KCNIP1: variants seen among roughly 807,000 people sequenced by gnomAD.
KCNIP1 encodes A-type potassium channel modulatory protein KCNIP1.
A neutral mutation model predicts 33.0 loss-of-function variants in KCNIP1; 18 were observed. The ratio of observed to expected loss-of-function variants is 0.55; its 90% CI spans 0.38 to 0.81. The LOEUF is 0.81. Among genes scored for constraint, KCNIP1 ranks in the 30% least tolerant of loss-of-function variants. The pLI is 0.00. For missense variants in KCNIP1, 238 were observed against 271.6 expected (o/e 0.88, Z 0.87); for synonymous variants, 93 against 98.3 (o/e 0.95, Z 0.32).
rs990356207 is a variant in KCNIP1 at position 170,690,095 on chromosome 5, C to T, written c.62-28663C>T. On this transcript the variant is annotated intron_variant, in intron 1 of 7. Coordinates refer to ENST00000328939, the MANE Select transcript of KCNIP1 (RefSeq NM_014592.4). Reference sequence around the variant, plus strand: ...TCACACACATCCCTACTGCCCCGCACGGTGCCCAGCACATAGTAGGTCCTC... The same window carrying T: ...TCACACACATCCCTACTGCCCCGCATGGTGCCCAGCACATAGTAGGTCCTC... Among the ~76,000 whole-genome samples the T allele has an allele frequency of 4.6e-5, 7 of 152,304 alleles. No individual in the cohort carries two copies. In the East Asian group the frequency reaches 7.7e-4, roughly 17 times the overall value.
At chr5:170,454,316 G>A (rs1311377767) in intron 1 of KCNIP1, among the ~76,000 whole-genome samples, 3 of 152,140 alleles carry the variant, frequency 2.0e-5, no homozygotes, top group African/African-American at 7.2e-5. Flanking sequence ...TGGGAGGAAG[G>A]GACAAATTAA....
intron 1 of KCNIP1, among the ~76,000 whole-genome samples, chr5:170,429,471 C>T (rs1755692395): frequency 6.6e-6 from 1 of 151,978 alleles, no homozygotes; most frequent in African/African-American, 2.4e-5. Flanking sequence ...TTTTCAAATT[C>T]TTGTTGTACA....
At chr5:170,549,218 A>T (rs1756517296) in intron 1 of KCNIP1, among the ~76,000 whole-genome samples, 1 of 152,244 alleles carries the variant, frequency 6.6e-6, no homozygotes, top group African/African-American at 2.4e-5. Context: ...CAGAGTTTCA[A>T]GGATTAAATT....
intron 1 of KCNIP1, among the ~76,000 whole-genome samples, chr5:170,653,614 G>A (rs542730063): frequency 5.3e-5 from 8 of 152,148 alleles, no homozygotes; most frequent in Non-Finnish European, 8.8e-5. Flanking sequence ...ACTAATGGAG[G>A]ATGGCAAGAG....
intron 1 of KCNIP1, among the ~76,000 whole-genome samples, chr5:170,667,263 G>A (rs1461502330): frequency 1.3e-5 from 2 of 150,050 alleles, no homozygotes; most frequent in Non-Finnish European, 2.9e-5. Context: ...AGTGAGCCAA[G>A]ATCGTGCCAT....
intron 1 of KCNIP1, among the ~76,000 whole-genome samples, chr5:170,407,037 G>A (rs932684731): frequency 5.6e-4 from 86 of 152,332 alleles, no homozygotes; most frequent in African/African-American, 2.0e-3. Flanking sequence ...GAAATCCTCA[G>A]CTAATGGAGT....
chr5:170,442,576 CT>C (rs1219170509), intron 1 of KCNIP1, among the ~76,000 whole-genome samples: 1 of 152,116 alleles, frequency 6.6e-6, no homozygotes, highest in African/African-American at 2.4e-5. Flanking sequence ...CTGTCTGGCT[CT>C]GGGGACCACG....
At chr5:170,455,135 C>T (rs1039409769) in intron 1 of KCNIP1, among the ~76,000 whole-genome samples, 5 of 151,920 alleles carry the variant, frequency 3.3e-5, no homozygotes, top group African/African-American at 7.3e-5. Context: ...AACTTCAATA[C>T]CTCACTTTCA....
At chr5:170,406,676 C>T (rs1007519884) in intron 1 of KCNIP1, among the ~76,000 whole-genome samples, 2 of 152,222 alleles carry the variant, frequency 1.3e-5, no homozygotes, top group Middle Eastern at 3.2e-3. Flanking sequence ...CAGCATCCCT[C>T]TCTTCTTCCT....
chr5:170,449,712 C>T (rs1756201005), intron 1 of KCNIP1, among the ~76,000 whole-genome samples: 1 of 152,138 alleles, frequency 6.6e-6, no homozygotes, highest in Non-Finnish European at 1.5e-5. Context: ...TGAGTGGACA[C>T]CAGTTGGGAT....
intron 1 of KCNIP1, among the ~76,000 whole-genome samples, chr5:170,452,169 C>T (rs150547798): frequency 1.1e-4 from 17 of 152,262 alleles, no homozygotes; most frequent in East Asian, 1.9e-4. Flanking sequence ...GGATTAGAGA[C>T]GCACTGTGTG....
chr5:170,705,975 T>C (rs1046723456), intron 1 of KCNIP1, among the ~76,000 whole-genome samples: 1 of 152,226 alleles, frequency 6.6e-6, no homozygotes. Context: ...AAGGTGGGTA[T>C]GATTCTAGCT....
chr5:170,354,910 GGA>G (rs1185706476), intron 1 of KCNIP1, among the ~76,000 whole-genome samples: 1 of 152,204 alleles, frequency 6.6e-6, no homozygotes, highest in Non-Finnish European at 1.5e-5. Flanking sequence ...TGGGGGCTGG[GGA>G]GAGAGGCACT....
At chr5:170,482,336 G>A (rs909189396) in intron 1 of KCNIP1, among the ~76,000 whole-genome samples, 6 of 152,122 alleles carry the variant, frequency 3.9e-5, no homozygotes, top group African/African-American at 1.2e-4. Context: ...TTTAGCCAGC[G>A]ATTAGTCAAT....
At chr5:170,378,378 G>A (rs1348780122) in intron 1 of KCNIP1, 16 of 254,022 alleles carry the variant, frequency 6.3e-5, no homozygotes, top group Non-Finnish European at 1.5e-5. Flanking sequence ...AGGCACAGAG[G>A]TGACGATCAT....
chr5:170,359,757 C>A (rs537737361), intron 1 of KCNIP1, among the ~76,000 whole-genome samples: 2 of 152,202 alleles, frequency 1.3e-5, no homozygotes, highest in South Asian at 2.1e-4. Context: ...ACCCTTGCCC[C>A]TCTGCAGCAG....
At chr5:170,580,881 G>A (rs1318744131) in intron 1 of KCNIP1, among the ~76,000 whole-genome samples, 1 of 152,108 alleles carries the variant, frequency 6.6e-6, no homozygotes. Flanking sequence ...TCCAAAAAGG[G>A]GTCAGGCTGC....
At chr5:170,412,354 G>C (rs1297068807) in intron 1 of KCNIP1, among the ~76,000 whole-genome samples, 2 of 152,202 alleles carry the variant, frequency 1.3e-5, no homozygotes, top group Non-Finnish European at 2.9e-5. Context: ...TTGAATGTGA[G>C]TCCAACATGT....
At chr5:170,555,049 T>A (rs1049687689) in intron 1 of KCNIP1, among the ~76,000 whole-genome samples, 46 of 152,188 alleles carry the variant, frequency 3.0e-4, no homozygotes, top group African/African-American at 1.1e-3. Context: ...TTATCCCTCA[T>A]TGCTGGCAGG....
Sources: gnomAD v4.1 joint callset for allele counts (sites outside exome capture counted in the v4.1 genomes callset) on GRCh38, gnomAD v4.1.1 for gene constraint, MANE v1.5 for transcripts, NCBI Gene and HGNC (gene_info 2026-07-23, HGNC 2026-07-21) for gene names.